The following SNX13 variants were observed in gnomAD, a reference collection of about 807,000 sequenced individuals.
SNX13 encodes sorting nexin-13.
In SNX13, 45 loss-of-function variants were observed where a neutral mutation model predicts 133.6. The observed-to-expected ratio is 0.34, with a 90% CI of 0.27 to 0.43. SNX13 has a LOEUF of 0.43. Among genes scored for constraint, SNX13 ranks in the 20% least tolerant of loss-of-function variants. The pLI is 1.00. For synonymous variants in SNX13, 414 were observed against 373.9 expected, an observed-to-expected ratio of 1.11 and a Z score of -1.24; for missense variants, 1,032 against 1,145.1, an observed-to-expected ratio of 0.90 and a Z score of 1.43.
intron 1 of SNX13, among the ~76,000 whole-genome samples, chr7:17,929,290 A>C (rs1450779600): frequency 6.6e-6 from 1 of 152,136 alleles, no homozygotes; most frequent in Non-Finnish European, 1.5e-5. Flanking sequence ...TCTCCAACTA[A>C]GTAAAATGTT....
intron 15 of SNX13, among the ~76,000 whole-genome samples, chr7:17,833,799 C>T (rs1175501001): frequency 2.0e-5 from 3 of 151,630 alleles, no homozygotes; most frequent in Non-Finnish European, 3.0e-5. Flanking sequence ...ATTTCAGTGA[C>T]TCACCTGAAG....
At chr7:17,826,844 G>A (rs1338850253) in intron 16 of SNX13, among the ~76,000 whole-genome samples, 1 of 152,018 alleles carries the variant, frequency 6.6e-6, no homozygotes, top group Admixed American at 6.6e-5. Context: ...ACATAACCAT[G>A]TAATTAAAGC....
intron 9 of SNX13, among the ~76,000 whole-genome samples, chr7:17,866,941 T>C (rs1437727835): frequency 6.6e-6 from 1 of 152,232 alleles, no homozygotes; most frequent in Non-Finnish European, 1.5e-5. Flanking sequence ...TTATACATTG[T>C]ATGCTTATAT....
At chr7:17,805,108 A>G (rs1341270014) in intron 20 of SNX13, among the ~76,000 whole-genome samples, 1 of 152,110 alleles carries the variant, frequency 6.6e-6, no homozygotes, top group Non-Finnish European at 1.5e-5. Flanking sequence ...AAACCAAAGA[A>G]CAGAAACTGG....
chr7:17,849,035 G>A (rs1310633605), intron 11 of SNX13, among the ~76,000 whole-genome samples: 2 of 152,194 alleles, frequency 1.3e-5, no homozygotes, highest in East Asian at 3.9e-4. Flanking sequence ...CATCATCCAG[G>A]CTCTCAACAT....
chr7:17,825,257 A>G lies in SNX13; in HGVS notation c.1705+765T>C, dbSNP rs200595068. 5.5e-5 allele frequency among the ~76,000 whole-genome samples: 8 copies of G among 146,514 alleles called. No homozygotes were observed. The East Asian group carries it at 1.2e-3, about 22-fold the overall frequency. On this transcript the variant is annotated intron_variant, in intron 17 of 25. Transcript: ENST00000428135. ...AGTTAATGTCTTCTAAACTAGATTA[A>G]ACTAGACTAGACTAGACTAGACTAG...
At chr7:17,805,254 T>TGCGCGTGCGCGCGC (rs1785124880) in intron 20 of SNX13, among the ~76,000 whole-genome samples, 1 of 132,440 alleles carries the variant, frequency 7.6e-6, no homozygotes, top group African/African-American at 2.7e-5. Context: ...TGTGTGTGCG[T>TGCGCGTGCGCGCGC]GCGCGCGCGC....
chr7:17,876,249 A>G (rs1794710339), intron 5 of SNX13, among the ~76,000 whole-genome samples: 1 of 152,188 alleles, frequency 6.6e-6, no homozygotes, highest in Non-Finnish European at 1.5e-5. Context: ...TATGCAACAC[A>G]TGTTCTGAAC....
At chr7:17,871,500 T>C (rs1794118600) in intron 8 of SNX13, among the ~76,000 whole-genome samples, 2 of 152,158 alleles carry the variant, frequency 1.3e-5, no homozygotes, top group South Asian at 4.1e-4. Flanking sequence ...CATCTTTTCA[T>C]TGCAGTTTTA....
intron 1 of SNX13, among the ~76,000 whole-genome samples, chr7:17,920,952 C>A (rs980516770): frequency 6.6e-6 from 1 of 152,122 alleles, no homozygotes; most frequent in Non-Finnish European, 1.5e-5. Flanking sequence ...GGTGCAGCAG[C>A]GTGTACTCAG....
At chr7:17,845,542 A>T (rs1291873482) in intron 12 of SNX13, 53 bp downstream of exon 12, 2 of 1,170,086 alleles carry the variant, frequency 1.7e-6, no homozygotes, top group Non-Finnish European at 2.4e-6. Context: ...ACAATAAAAA[A>T]TCGAAAAAGA....
intron 9 of SNX13, among the ~76,000 whole-genome samples, chr7:17,860,743 A>G (rs911409662): frequency 2.0e-5 from 3 of 152,176 alleles, no homozygotes; most frequent in Non-Finnish European, 2.9e-5. Context: ...TAGCCTTGAT[A>G]CAAATCTATG....
intron 16 of SNX13, among the ~76,000 whole-genome samples, chr7:17,826,644 ATTAT>A (rs922815947): frequency 2.0e-5 from 3 of 152,094 alleles, no homozygotes; most frequent in Admixed American, 1.3e-4. Flanking sequence ...TATTATTCTG[ATTAT>A]TTATTAAATG....
intron 2 of SNX13, among the ~76,000 whole-genome samples, chr7:17,893,971 A>G (rs533821109): frequency 0.055 from 2,225 of 40,454 alleles, 113 homozygotes; most frequent in Admixed American, 0.27. Context: ...GACTGTCTCG[A>G]AAAAAAAAAA....
chr7:17,915,519 A>C (rs1168805388), intron 1 of SNX13, among the ~76,000 whole-genome samples: 1 of 152,074 alleles, frequency 6.6e-6, no homozygotes, highest in Non-Finnish European at 1.5e-5. Flanking sequence ...TATAAACACC[A>C]CACTTTTTAA....
At chr7:17,843,802 C>T (rs891618081) in intron 12 of SNX13, among the ~76,000 whole-genome samples, 3 of 151,918 alleles carry the variant, frequency 2.0e-5, no homozygotes, top group Non-Finnish European at 4.4e-5. Flanking sequence ...AATCAAACAA[C>T]ACACTTTTTA....
chr7:17,923,412 G>A (rs1800354007), intron 1 of SNX13, among the ~76,000 whole-genome samples: 1 of 152,160 alleles, frequency 6.6e-6, no homozygotes, highest in Non-Finnish European at 1.5e-5. Flanking sequence ...TGTAACATTA[G>A]GAAGGTGGTA....
At chr7:17,857,573 C>T (rs1206800576) in intron 9 of SNX13, among the ~76,000 whole-genome samples, 1 of 152,110 alleles carries the variant, frequency 6.6e-6, no homozygotes. Context: ...CACCAGAGGT[C>T]AGGAGTTCAA....
intron 5 of SNX13, chr7:17,879,375 T>C (rs1426346539): frequency 1.3e-5 from 2 of 152,232 alleles, no homozygotes; most frequent in African/African-American, 2.4e-5. Flanking sequence ...CAGCCAACTG[T>C]GTTTGTTTTA....
Sources: gnomAD v4.1 joint callset for allele counts (sites outside exome capture counted in the v4.1 genomes callset) on GRCh38, gnomAD v4.1.1 for gene constraint, MANE v1.5 for transcripts, NCBI Gene and HGNC (gene_info 2026-07-23, HGNC 2026-07-21) for gene names.